Variants in TENM2 observed in about 807,000 individuals in gnomAD.
The protein encoded by TENM2 is teneurin transmembrane protein 2.
A neutral mutation model predicts 245.2 loss-of-function variants in TENM2; 52 were observed. The observed-to-expected ratio is 0.21, with a 90% CI of 0.17 to 0.27. TENM2 has a LOEUF of 0.27. TENM2 is among the 10% of genes least tolerant of loss of function. TENM2 has a pLI of 1.00. For synonymous variants in TENM2, 1,363 were observed against 1,438.9 expected (o/e 0.95, Z 1.19); for missense variants, 3,046 against 3,666.8 (o/e 0.83, Z 4.37).
the TENM2 span, among the ~76,000 whole-genome samples, chr5:167,014,933 C>T: frequency 4.6e-5 from 7 of 152,158 alleles, no homozygotes; most frequent in Non-Finnish European, 8.8e-5. Context: ...TACATATAAA[C>T]TGTTGTCTTT....
chr5:167,231,594 A>T, the TENM2 span, among the ~76,000 whole-genome samples: 2 of 152,216 alleles, frequency 1.3e-5, no homozygotes, highest in Admixed American at 1.3e-4. Flanking sequence ...GATTCAGGTG[A>T]TCTTAAAATT....
chr5:166,999,774 A>G, the TENM2 span, among the ~76,000 whole-genome samples: 2 of 152,148 alleles, frequency 1.3e-5, no homozygotes, highest in African/African-American at 2.4e-5. Context: ...TTGAGTAGGA[A>G]TGTTTTATAT....
At chr5:167,227,035 G>A in the TENM2 span, among the ~76,000 whole-genome samples, 11 of 142,612 alleles carry the variant, frequency 7.7e-5, no homozygotes, top group Admixed American at 2.8e-4. Flanking sequence ...CTGTCTTTTC[G>A]TTTCTATTTG....
At chr5:167,241,565 G>A in the TENM2 span, among the ~76,000 whole-genome samples, 1 of 152,178 alleles carries the variant, frequency 6.6e-6, no homozygotes, top group African/African-American at 2.4e-5. Context: ...GAACTGAAAG[G>A]ATTCCAGCAA....
chr5:167,054,138 T>C, the TENM2 span, among the ~76,000 whole-genome samples: 7 of 152,338 alleles, frequency 4.6e-5, no homozygotes, highest in South Asian at 1.5e-3. Context: ...TCTCCACCAC[T>C]GTAGTATGTC....
chr5:167,185,292 C>T, the TENM2 span, among the ~76,000 whole-genome samples: 1 of 152,076 alleles, frequency 6.6e-6, no homozygotes, highest in Non-Finnish European at 1.5e-5. Flanking sequence ...CCCTTCTGCA[C>T]CTTGAAACTA....
At chr5:167,775,619 T>G (rs1238881113) in intron 2 of TENM2, among the ~76,000 whole-genome samples, 1 of 152,202 alleles carries the variant, frequency 6.6e-6, no homozygotes, top group Admixed American at 6.5e-5. Context: ...GACTGTTCAT[T>G]ATTCAAGATT....
chr5:168,111,301 C>T (rs985418627), intron 9 of TENM2, among the ~76,000 whole-genome samples: 3 of 152,090 alleles, frequency 2.0e-5, no homozygotes, highest in African/African-American at 7.2e-5. Context: ...AACTTTGGCC[C>T]TCTGAGCCGG....
At chr5:167,858,868 A>G (rs1419265776) in intron 2 of TENM2, among the ~76,000 whole-genome samples, 2 of 137,232 alleles carry the variant, frequency 1.5e-5, no homozygotes, top group Non-Finnish European at 3.2e-5. Flanking sequence ...GCCCGAGGGC[A>G]AGGAGCAGCT....
chr5:167,602,713 C>G (rs1041997532), intron 2 of TENM2, among the ~76,000 whole-genome samples: 4 of 151,916 alleles, frequency 2.6e-5, no homozygotes, highest in Admixed American at 6.6e-5. Context: ...TCTGATGATA[C>G]AGAGAAAGAA....
chr5:167,746,438 T>C (rs1483079395), intron 2 of TENM2, among the ~76,000 whole-genome samples: 1 of 150,600 alleles, frequency 6.6e-6, no homozygotes, highest in African/African-American at 2.5e-5. Flanking sequence ...TAGAACCAAG[T>C]TGGGTAAAGT....
At chr5:168,175,995 C>A (rs958153892) in intron 13 of TENM2, among the ~76,000 whole-genome samples, 2 of 152,212 alleles carry the variant, frequency 1.3e-5, no homozygotes, top group African/African-American at 2.4e-5. Flanking sequence ...TTTGACATGC[C>A]CTCTTTGTCT....
At chr5:167,944,904 A>T (rs1583446040) in intron 3 of TENM2, among the ~76,000 whole-genome samples, 1 of 152,306 alleles carries the variant, frequency 6.6e-6, no homozygotes, top group Non-Finnish European at 1.5e-5. Context: ...AACAACCAAA[A>T]AACAAACAAA....
At chr5:167,371,334 G>GTTTTTTTT (rs768614312) in intron 1 of TENM2, among the ~76,000 whole-genome samples, 2 of 128,958 alleles carry the variant, frequency 1.6e-5, no homozygotes, top group East Asian at 2.3e-4. Flanking sequence ...ATGGCTCCCT[G>GTTTTTTTT]TTTTTTTTTT....
chr5:167,755,284 G>C, intron 2 of TENM2: 1 of 880,178 alleles, frequency 1.1e-6, no homozygotes, highest in Non-Finnish European at 1.8e-6. Context: ...ACCCTTCAGC[G>C]GATACCAAGG....
intron 2 of TENM2, among the ~76,000 whole-genome samples, chr5:167,845,204 T>TTA (rs1331756872): frequency 6.7e-6 from 1 of 149,674 alleles, no homozygotes; most frequent in Non-Finnish European, 1.5e-5. Context: ...CTCACCATCA[T>TTA]TATTACCCCT....
chr5:167,829,666 C>G (rs1549152), intron 2 of TENM2, among the ~76,000 whole-genome samples: 21,930 of 152,122 alleles, frequency 0.14, 3,124 homozygotes, highest in East Asian at 0.67. Context: ...ATTTAGCTTT[C>G]AGATGTAACA....
intron 2 of TENM2, among the ~76,000 whole-genome samples, chr5:167,494,547 C>T (rs929492405): frequency 1.3e-5 from 2 of 152,032 alleles, no homozygotes; most frequent in Non-Finnish European, 2.9e-5. Flanking sequence ...AATCACTGAT[C>T]CTATGTGTCC....
At chr5:167,864,794 G>T (rs1298663486) in intron 2 of TENM2, among the ~76,000 whole-genome samples, 2 of 152,138 alleles carry the variant, frequency 1.3e-5, no homozygotes, top group Non-Finnish European at 2.9e-5. Context: ...CAAAGGGTTT[G>T]TGTCAGATTA....
Sources: allele counts gnomAD v4.1 joint callset (sites outside exome capture counted in the v4.1 genomes callset), GRCh38; gene constraint gnomAD v4.1.1; transcripts MANE v1.5; gene names NCBI Gene and HGNC (gene_info 2026-07-23, HGNC 2026-07-21).